SIAH2: variants seen among roughly 807,000 people sequenced by gnomAD.
The protein encoded by SIAH2 is siah E3 ubiquitin protein ligase 2, also known as E3 ubiquitin-protein ligase SIAH2.
In SIAH2, 4 loss-of-function variants were observed where a neutral mutation model predicts 20.4. That is an observed-to-expected ratio of 0.20 (90% confidence interval 0.10 to 0.45). The LOEUF (loss-of-function observed/expected upper bound fraction) is 0.45, where lower values mean the gene tolerates loss of function less well. SIAH2 is among the 20% of genes least tolerant of loss of function. SIAH2 has a pLI of 0.99. For missense variants in SIAH2, 259 were observed against 440.3 expected, an observed-to-expected ratio of 0.59 and a Z score of 3.69; for synonymous variants, 171 against 192.5, an observed-to-expected ratio of 0.89 and a Z score of 0.93.
chr3:150,741,438 A>G lies in SIAH2; in HGVS notation c.*703T>C, dbSNP rs149147961. 6.5e-6 allele frequency: 1 copy of G among 152,804 alleles called. No individual in the cohort carries two copies. The highest frequency in any genetic ancestry group is 1.9e-4 in the East Asian group (1 of 5,180). The allele number at this position is 152,804 out of a possible 1,614,324, so 9.5% of individuals were successfully genotyped here. ...CTCAGGCGTGCGTTCATGTGGATCT[A>G]TAGTTCTAGTTTTAATTTGAGGGTT... On this transcript the variant is annotated 3_prime_UTR_variant, in exon 2 of 2. Transcript: ENST00000312960.
intron 1 of SIAH2, among the ~76,000 whole-genome samples, chr3:150,748,735 A>C (rs1019116688): frequency 2.3e-4 from 35 of 152,256 alleles, no homozygotes; most frequent in Admixed American, 7.9e-4. Flanking sequence ...AAATCTAAGA[A>C]ATGACCTTGT....
Position 150,762,445 on chromosome 3 carries a change from C to T in SIAH2, c.405G>A (p.Leu135=). 2 of 1,612,450 alleles carry T rather than the reference C, an allele frequency of 1.2e-6. No individual in the cohort carries two copies. Among genetic ancestry groups the T allele is most frequent in the Non-Finnish European group, 1.7e-6 (2 of 1,179,502 alleles). Residue 135 remains leucine (L), a synonymous_variant, in exon 1 of 2, where the codon CTG becomes CTA. Coordinates refer to ENST00000312960, the MANE Select transcript of SIAH2 (RefSeq NM_005067.7). This position sits in a 1 kb window ranked among gnomAD's most constrained non-coding sequence, Gnocchi z 6.6. ...LAMEKVASAV[L]FPCKYATTGC... Reference sequence around the variant, plus strand: ...TCCCTGGGCTTACCTTACAGGGAAACAGGACTGCCGAGGCCACCTTCTCCA... The same window carrying T: ...TCCCTGGGCTTACCTTACAGGGAAATAGGACTGCCGAGGCCACCTTCTCCA...
intron 1 of SIAH2, among the ~76,000 whole-genome samples, chr3:150,750,098 A>G (rs1159240276): frequency 7.9e-5 from 12 of 152,190 alleles, no homozygotes; most frequent in Non-Finnish European, 1.5e-4. Context: ...ACTTGTGCAA[A>G]TGGGAGTTGG....
At chr3:150,744,936 A>G (rs1714175696) in intron 1 of SIAH2, among the ~76,000 whole-genome samples, 2 of 152,202 alleles carry the variant, frequency 1.3e-5, no homozygotes, top group Non-Finnish European at 2.9e-5. Flanking sequence ...TACAAATCAC[A>G]TATTCAACAC....
intron 1 of SIAH2, among the ~76,000 whole-genome samples, chr3:150,750,942 A>T (rs1714345401): frequency 6.6e-6 from 1 of 152,220 alleles, no homozygotes; most frequent in African/African-American, 2.4e-5. Flanking sequence ...CTTGACTATT[A>T]TTAACAGTGG....
At chr3:150,758,178 C>A (rs911150016) in intron 1 of SIAH2, among the ~76,000 whole-genome samples, 1 of 151,946 alleles carries the variant, frequency 6.6e-6, no homozygotes, top group Non-Finnish European at 1.5e-5. Context: ...TTTTAAGGAA[C>A]ACAGACATTG....
intron 1 of SIAH2, among the ~76,000 whole-genome samples, chr3:150,746,085 G>A (rs1446855066): frequency 6.6e-6 from 1 of 152,110 alleles, no homozygotes; most frequent in African/African-American, 2.4e-5. Context: ...GGTGAGTGGA[G>A]GAAACAGTGG....
Position 150,759,685 on chromosome 3 carries a change from C to A in SIAH2, c.417+2748G>T, listed in dbSNP as rs550289932. The stretch of plus-strand genomic sequence containing the variant: ...TTAACCACTCTGTAGGCATGAGTTT[C>A]CTCATCTGAAAAAAAAAAAAGGCAA... On this transcript the variant is annotated intron_variant, in intron 1 of 1. Transcript: ENST00000312960. Among the ~76,000 whole-genome samples the A allele has an allele frequency of 1.7e-4, 26 of 151,420 alleles. 1 individual carries two copies. In the South Asian group the frequency reaches 4.6e-3, roughly 27 times the overall value.
intron 1 of SIAH2, among the ~76,000 whole-genome samples, chr3:150,751,207 G>A (rs536027590): frequency 2.6e-5 from 4 of 152,168 alleles, no homozygotes; most frequent in South Asian, 2.1e-4. Flanking sequence ...TGAGGCAGGC[G>A]GATTCCCTGA....
intron 1 of SIAH2, among the ~76,000 whole-genome samples, chr3:150,752,273 A>AG (rs1714389109): frequency 6.6e-6 from 1 of 152,228 alleles, no homozygotes; most frequent in Admixed American, 6.5e-5. Flanking sequence ...TCTCAACGAA[A>AG]GCAACTGAAT....
intron 1 of SIAH2, among the ~76,000 whole-genome samples, chr3:150,746,820 G>A (rs995712256): frequency 6.6e-6 from 1 of 152,212 alleles, no homozygotes; most frequent in Non-Finnish European, 1.5e-5. Flanking sequence ...GTAGGTCACT[G>A]GCCCACCCAA....
chr3:150,742,808 T>C lies in SIAH2; in HGVS notation c.418-110A>G. ...TTTTCCTGGGCTTAAACTGTGTTCT[T>C]AACTACTTTTGCTCAAAGCAAGTGA... On this transcript the variant is annotated intron_variant, in intron 1 of 1. Coordinates refer to ENST00000312960, the MANE Select transcript of SIAH2 (RefSeq NM_005067.7). This position sits in a 1 kb window ranked among gnomAD's most constrained non-coding sequence, Gnocchi z 4.8. 1 of 859,982 alleles carries C rather than the reference T, an allele frequency of 1.2e-6. No homozygotes were observed. The highest frequency in any genetic ancestry group is 1.7e-6 in the Non-Finnish European group (1 of 590,632). The allele number at this position is 859,982 out of a possible 1,614,324, so 53.3% of individuals were successfully genotyped here. A position where few individuals can be genotyped will look rare whatever the true frequency, so the allele number is the denominator to read the frequency against.
At chr3:150,757,571 G>A (rs555069968) in intron 1 of SIAH2, among the ~76,000 whole-genome samples, 7 of 152,278 alleles carry the variant, frequency 4.6e-5, no homozygotes, top group Admixed American at 1.3e-4. Flanking sequence ...ATCAGAGGCT[G>A]CATGCTGGCA....
intron 1 of SIAH2, among the ~76,000 whole-genome samples, chr3:150,748,260 C>A (rs1714272359): frequency 6.6e-6 from 1 of 152,104 alleles, no homozygotes; most frequent in Non-Finnish European, 1.5e-5. Context: ...AGCATAGAAA[C>A]CCCTTCATAC....
At chr3:150,753,798 CA>C (rs2108122451) in intron 1 of SIAH2, among the ~76,000 whole-genome samples, 1 of 146,320 alleles carries the variant, frequency 6.8e-6, no homozygotes, top group South Asian at 2.1e-4. Flanking sequence ...TGTCTCGAAA[CA>C]AAAAACAAAA....
In SIAH2 at chr3:150,762,737, A is replaced by G; in HGVS notation, c.113T>C (p.Ile38Thr). Residue 38 changes from isoleucine (I) to threonine (T), a missense_variant, in exon 1 of 2, where the codon ATC (isoleucine) becomes ACC (threonine). Ile to Thr is a moderately conservative substitution (Grantham distance 89). This residue lies in a region of SIAH2 where 99 missense variants were observed against 112.7 expected (regional missense o/e 0.88). Coordinates refer to ENST00000312960, the MANE Select transcript of SIAH2 (RefSeq NM_005067.7). This position sits in a 1 kb window ranked among gnomAD's most constrained non-coding sequence, Gnocchi z 6.6. ...SPAAPPAAAT[I>T]SAAGPGSSAV... ...GGACGAGCCGGGGCCCGCAGCCGAG[A>G]TGGTGGCGGCGGCCGGGGGCGCAGC... 8.5e-7 allele frequency: 1 copy of G among 1,177,310 alleles called. No homozygotes were observed. Among genetic ancestry groups the G allele is most frequent in the Non-Finnish European group, 1.1e-6 (1 of 947,060 alleles). 72.9% of individuals were successfully genotyped at this position (1,177,310 alleles called of 1,614,324 possible).
chr3:150,743,437 A>G (rs6789306), intron 1 of SIAH2, among the ~76,000 whole-genome samples: 21,629 of 152,234 alleles, frequency 0.14, 3,064 homozygotes, highest in East Asian at 0.37. Flanking sequence ...TCTGGCCAGT[A>G]GAGGTTAACA....
chr3:150,759,101 C>G (rs1174042807), intron 1 of SIAH2, among the ~76,000 whole-genome samples: 2 of 151,936 alleles, frequency 1.3e-5, no homozygotes, highest in Non-Finnish European at 2.9e-5. Context: ...AGGCTGGTCT[C>G]GAACTCCTGA....
intron 1 of SIAH2, among the ~76,000 whole-genome samples, chr3:150,753,942 T>C (rs546618464): frequency 6.6e-5 from 10 of 151,982 alleles, no homozygotes; most frequent in African/African-American, 2.4e-4. Flanking sequence ...AAAATCTCAG[T>C]AAGAAAAGAG....
Sources: allele counts gnomAD v4.1 joint callset (sites outside exome capture counted in the v4.1 genomes callset), GRCh38; gene constraint gnomAD v4.1.1; regional missense constraint gnomAD v4.1.1; non-coding constraint Gnocchi (gnomAD v3.1); transcripts MANE v1.5; gene names NCBI Gene and HGNC (gene_info 2026-07-23, HGNC 2026-07-21).